The following NUFIP2 variants were observed in gnomAD, a reference collection of about 807,000 sequenced individuals.
NUFIP2 encodes the protein FMR1-interacting protein NUFIP2.
A neutral mutation model predicts 56.9 loss-of-function variants in NUFIP2; 6 were observed. The ratio of observed to expected loss-of-function variants is 0.11; its 90% CI spans 0.06 to 0.21. The LOEUF (loss-of-function observed/expected upper bound fraction) is 0.21, where lower values mean the gene tolerates loss of function less well. Ranked by LOEUF, NUFIP2 falls within the 10% of genes least tolerant of loss-of-function variation. The pLI is 1.00. For missense variants in NUFIP2, 828 were observed against 826.8 expected, an observed-to-expected ratio of 1.00 and a Z score of -0.02; for synonymous variants, 321 against 298.2, an observed-to-expected ratio of 1.08 and a Z score of -0.79.
chr17:29,261,638 A>G lies in NUFIP2; in HGVS notation c.*2901T>C, dbSNP rs1193783982. 2 of 152,116 alleles carry G rather than the reference A, an allele frequency of 1.3e-5. No individual in the cohort carries two copies. Among genetic ancestry groups the G allele is most frequent in the East Asian group, 3.9e-4 (2 of 5,188 alleles). The allele number at this position is 152,116 out of a possible 1,614,324, so 9.4% of individuals were successfully genotyped here. A position where few individuals can be genotyped will look rare whatever the true frequency, so the allele number is the denominator to read the frequency against. ...ATCAGAAAACAGATCAACTCTTAAG[A>G]TTTTTTTTTAATAAGTGCTCTGTAA... On this transcript the variant is annotated 3_prime_UTR_variant, in exon 4 of 4. Transcript: ENST00000225388.
chr17:29,287,656 G>A lies in NUFIP2; in HGVS notation c.338C>T (p.Ser113Phe). 1 of 1,613,506 alleles carries A rather than the reference G, an allele frequency of 6.2e-7. No homozygotes were observed. ...GGAAATAGGGTTGGTGGCTTCATCA[G>A]AACTCAGGTTCTTTAAAGATATTTC... is the stretch of plus-strand genomic sequence containing the variant. ...EREISLKNLS[S>F]DEATNPISRV... Residue 113 changes from serine to phenylalanine, a missense_variant, in exon 2 of 4, where the codon TCT (serine) becomes TTT (phenylalanine). Ser to Phe is a radical substitution (Grantham distance 155, BLOSUM62 -2). Coordinates refer to ENST00000225388, the MANE Select transcript of NUFIP2 (RefSeq NM_020772.3).
intron 2 of NUFIP2, among the ~76,000 whole-genome samples, chr17:29,276,301 C>A (rs1048214294): frequency 1.3e-5 from 2 of 152,084 alleles, no homozygotes; most frequent in African/African-American, 4.8e-5. Flanking sequence ...ACTCTCCAGG[C>A]ACAATAAACA....
At chr17:29,292,839 G>A (rs111665826) in intron 1 of NUFIP2, among the ~76,000 whole-genome samples, 18 of 147,808 alleles carry the variant, frequency 1.2e-4, no homozygotes, top group Non-Finnish European at 2.0e-4. Flanking sequence ...GACCCGCCCG[G>A]GGCCGCGCGC....
At chr17:29,282,083 A>G (rs1040754480) in intron 2 of NUFIP2, among the ~76,000 whole-genome samples, 1 of 151,646 alleles carries the variant, frequency 6.6e-6, no homozygotes, top group African/African-American at 2.4e-5. Flanking sequence ...TTTATGCTCT[A>G]TTGTATCTTT....
chr17:29,278,089 C>A (rs1049028848), intron 2 of NUFIP2, among the ~76,000 whole-genome samples: 1 of 152,124 alleles, frequency 6.6e-6, no homozygotes, highest in Non-Finnish European at 1.5e-5. Flanking sequence ...TTAGAAGTCA[C>A]CACCTTTTCA....
chr17:29,283,535 G>A (rs761639092), intron 2 of NUFIP2, among the ~76,000 whole-genome samples: 8 of 152,018 alleles, frequency 5.3e-5, no homozygotes, highest in Non-Finnish European at 1.0e-4. Context: ...CTCCCACTTC[G>A]GCCTCCCAAA....
intron 2 of NUFIP2, among the ~76,000 whole-genome samples, chr17:29,276,029 A>AATACATATATATATATATATATATAT (rs2069105940): frequency 7.2e-6 from 1 of 138,140 alleles, no homozygotes; most frequent in Non-Finnish European, 1.6e-5. Flanking sequence ...CTCCGTCTCA[A>AATACATATATATATATATATATATAT]ATATATATAT....
chr17:29,289,392 GGACCAGCCT>G (rs2069197250), intron 1 of NUFIP2, among the ~76,000 whole-genome samples: 1 of 151,868 alleles, frequency 6.6e-6, no homozygotes, highest in Non-Finnish European at 1.5e-5. Flanking sequence ...CAGGAGTTCA[GGACCAGCCT>G]GACCAACATG....
chr17:29,283,346 G>C (rs1312551302), intron 2 of NUFIP2, among the ~76,000 whole-genome samples: 1 of 152,138 alleles, frequency 6.6e-6, no homozygotes, highest in East Asian at 1.9e-4. Context: ...ACATTTTGTT[G>C]TTTTGTTTTG....
chr17:29,276,871 C>G (rs1384214076), intron 2 of NUFIP2, among the ~76,000 whole-genome samples: 2 of 152,056 alleles, frequency 1.3e-5, no homozygotes, highest in Admixed American at 6.6e-5. Flanking sequence ...TTCTTCTGAC[C>G]TACAAAAACA....
At chr17:29,276,239 G>C (rs1403305398) in intron 2 of NUFIP2, among the ~76,000 whole-genome samples, 1 of 151,942 alleles carries the variant, frequency 6.6e-6, no homozygotes, top group Non-Finnish European at 1.5e-5. Context: ...TAAACAAACT[G>C]AATGGCTGGC....
At chr17:29,279,055 T>G (rs2069125270) in intron 2 of NUFIP2, among the ~76,000 whole-genome samples, 1 of 152,174 alleles carries the variant, frequency 6.6e-6, no homozygotes, top group Non-Finnish European at 1.5e-5. Flanking sequence ...ACTGTCAAAT[T>G]TGCAGGCACA....
chr17:29,271,432 C>A (rs1447891252), intron 2 of NUFIP2, among the ~76,000 whole-genome samples: 1 of 151,670 alleles, frequency 6.6e-6, no homozygotes, highest in Non-Finnish European at 1.5e-5. Flanking sequence ...AGCTACTGAG[C>A]AGGCTAAGGC....
rs749846119 is a variant in NUFIP2 at position 29,286,835 on chromosome 17, T to TAGATGATGA, written c.1150_1158dup (p.Ser384_Ser386dup). The TAGATGATGA allele has an allele frequency of 8.1e-6, 13 of 1,614,000 alleles. 1 individual carries two copies. Among genetic ancestry groups the TAGATGATGA allele is most frequent in the Admixed American group, 5.0e-5 (3 of 59,978 alleles). On this transcript the variant is annotated inframe_insertion, in exon 2 of 4. Transcript: ENST00000225388. ...GATGATTGGGTCTGAGTTTCCCCGGTAGATGATGAAGATGATGAAGATGAA... is the reference window on the plus strand; with the variant it reads ...GATGATTGGGTCTGAGTTTCCCCGGTAGATGATGAAGATGATGAAGATGATGAAGATGAA...
chr17:29,284,216 G>A (rs998168873), intron 2 of NUFIP2, among the ~76,000 whole-genome samples: 2 of 152,212 alleles, frequency 1.3e-5, no homozygotes, highest in Admixed American at 6.5e-5. Flanking sequence ...GTACATGCAT[G>A]CATGGAGCAT....
At chr17:29,279,991 G>C (rs184383078) in intron 2 of NUFIP2, among the ~76,000 whole-genome samples, 2 of 151,978 alleles carry the variant, frequency 1.3e-5, no homozygotes, top group East Asian at 3.9e-4. Context: ...GCTAATTTTT[G>C]TATTTTCATA....
At chr17:29,282,100 T>A (rs968920380) in intron 2 of NUFIP2, among the ~76,000 whole-genome samples, 13 of 152,084 alleles carry the variant, frequency 8.5e-5, no homozygotes, top group South Asian at 2.1e-4. Context: ...CTTTACTTCA[T>A]ACCCTCAATT....
chr17:29,263,583 G>A lies in NUFIP2; in HGVS notation c.*956C>T, dbSNP rs1464576391. ...GTCTTAAATGTTTGATGAAAAACAA[G>A]GAAAACAGCACATTTAGTGTTAGTG... On this transcript the variant is annotated 3_prime_UTR_variant, in exon 4 of 4. Coordinates refer to ENST00000225388, the MANE Select transcript of NUFIP2 (RefSeq NM_020772.3). 1 of 152,564 alleles carries A rather than the reference G, an allele frequency of 6.6e-6. No homozygotes were observed. Among genetic ancestry groups the A allele is most frequent in the Non-Finnish European group, 1.5e-5 (1 of 68,024 alleles). 9.5% of individuals were successfully genotyped at this position (152,564 alleles called of 1,614,324 possible).
chr17:29,287,212 A>C lies in NUFIP2; in HGVS notation c.782T>G (p.Phe261Cys). The C allele has an allele frequency of 6.2e-7, 1 of 1,614,178 alleles. No individual in the cohort carries two copies. The highest frequency in any genetic ancestry group is 8.5e-7 in the Non-Finnish European group (1 of 1,180,044). The change falls in exon 2 of 4, where the codon TTC becomes TGC. Residue 261 changes from phenylalanine to cysteine, a missense_variant. Physicochemically the swap from Phe to Cys is radical, Grantham distance 205. Transcript: ENST00000225388. Reference protein sequence around the residue: ...VPTLKQGLETFKPDYSEQKGN... With the variant: ...VPTLKQGLETCKPDYSEQKGN... ...CTTTTGTTCACTATAGTCAGGCTTG[A>C]AAGTTTCAAGTCCCTGTTTTAAGGT...
Sources: gnomAD v4.1 joint callset for allele counts (sites outside exome capture counted in the v4.1 genomes callset) on GRCh38, gnomAD v4.1.1 for gene constraint, MANE v1.5 for transcripts, NCBI Gene and HGNC (gene_info 2026-07-23, HGNC 2026-07-21) for gene names.